Variants in KDM2B observed in about 807,000 individuals in gnomAD.
KDM2B encodes the protein lysine demethylase 2B.
A neutral mutation model predicts 150.0 loss-of-function variants in KDM2B; 26 were observed. That is an observed-to-expected ratio of 0.17 (90% CI 0.13 to 0.24). The LOEUF (loss-of-function observed/expected upper bound fraction) is 0.24, where lower values mean the gene tolerates loss of function less well. Among genes scored for constraint, KDM2B ranks in the 10% least tolerant of loss-of-function variants. The pLI is 1.00. For synonymous variants in KDM2B, 734 were observed against 729.5 expected (o/e 1.01, Z -0.10); for missense variants, 1,265 against 1,816.9 (o/e 0.70, Z 5.52).
At chr12:121,523,786 G>A (rs112579465) in intron 8 of KDM2B, among the ~76,000 whole-genome samples, 76 of 152,350 alleles carry the variant, frequency 5.0e-4, no homozygotes, top group African/African-American at 1.7e-3. Context: ...AGGCAACCTC[G>A]TTCTGTGCCT....
rs782589352 is a variant in KDM2B at position 121,445,397 on chromosome 12, C to T, written c.1981G>A (p.Val661Met). The change falls in exon 14 of 23, where the codon GTG (valine) becomes ATG (methionine). Residue 661 changes from valine (V) to methionine (M), a missense_variant. Around this residue, in one of 11 missense-constraint regions of KDM2B, gnomAD observed 30 missense variants for 32.0 expected, o/e 0.94. Coordinates refer to ENST00000377071, the MANE Select transcript of KDM2B (RefSeq NM_032590.5). ...CCCGCCTCGCCACACACAAGGCACACGGCGGTGTGGGGCAGCACTGGCTGA... is the reference window on the plus strand; with the variant it reads ...CCCGCCTCGCCACACACAAGGCACATGGCGGTGTGGGGCAGCACTGGCTGA... ...CIAPVLPHTAVCLVCGEAGKE... is the reference protein window; with the variant it reads ...CIAPVLPHTAMCLVCGEAGKE... 28 of 1,605,238 alleles carry T rather than the reference C, an allele frequency of 1.7e-5. No individual in the cohort carries two copies. The highest frequency in any genetic ancestry group is 6.7e-5 in the East Asian group (3 of 44,588).
chr12:121,487,509 G>A (rs73407640), intron 12 of KDM2B, among the ~76,000 whole-genome samples: 277 of 152,100 alleles, frequency 1.8e-3, no homozygotes, highest in African/African-American at 6.3e-3. Flanking sequence ...CTGGCCCTGC[G>A]GCTTCCATCG....
chr12:121,547,143 T>C (rs573529436), intron 6 of KDM2B, among the ~76,000 whole-genome samples: 2 of 152,084 alleles, frequency 1.3e-5, no homozygotes, highest in Non-Finnish European at 2.9e-5. Context: ...GCACAGCACT[T>C]TCTCCAGAGG....
chr12:121,514,514 C>T (rs563057354), intron 9 of KDM2B, among the ~76,000 whole-genome samples: 1 of 151,842 alleles, frequency 6.6e-6, no homozygotes, highest in South Asian at 2.1e-4. Flanking sequence ...AAAGAGGTCC[C>T]TGACACCCAC....
At chr12:121,523,131 G>A (rs574510326) in intron 8 of KDM2B, among the ~76,000 whole-genome samples, 2 of 152,366 alleles carry the variant, frequency 1.3e-5, no homozygotes, top group Non-Finnish European at 2.9e-5. Context: ...GCACAAAGGG[G>A]GAAGCCACTT....
downstream of KDM2B, among the ~76,000 whole-genome samples, chr12:121,426,444 TC>T (rs1246536927): frequency 4.0e-4 from 46 of 114,076 alleles, no homozygotes; most frequent in Middle Eastern, 4.4e-3. Context: ...TTCTACCCCC[TC>T]CCCCCCCTTT....
chr12:121,552,606 G>C (rs1202502713), intron 4 of KDM2B, among the ~76,000 whole-genome samples: 1 of 151,288 alleles, frequency 6.6e-6, no homozygotes, highest in Non-Finnish European at 1.5e-5. Flanking sequence ...CCAGGAGGTG[G>C]AGGTTGCAGT....
chr12:121,439,746 C>G, intron 22 of KDM2B, 111 bp downstream of exon 22: 1 of 789,828 alleles, frequency 1.3e-6, no homozygotes, highest in South Asian at 1.6e-5. Flanking sequence ...AAACGAGACA[C>G]CTAGCACTGT....
intron 1 of KDM2B, chr12:121,580,385 G>A: frequency 1.8e-6 from 2 of 1,110,246 alleles, no homozygotes; most frequent in Non-Finnish European, 2.2e-6. Flanking sequence ...GCGGCCCGAG[G>A]AGGTATGGGG....
chr12:121,447,043 C>T (rs1167369986), intron 13 of KDM2B, among the ~76,000 whole-genome samples: 1 of 152,140 alleles, frequency 6.6e-6, no homozygotes, highest in African/African-American at 2.4e-5. Context: ...TCAGACTCCA[C>T]ATTGCAACTA....
At chr12:121,580,002 A>T in intron 1 of KDM2B, 2 of 1,565,308 alleles carry the variant, frequency 1.3e-6, no homozygotes, top group Non-Finnish European at 1.7e-6. Flanking sequence ...AAAAAAAAAA[A>T]AAAAAAAAGC....
Position 121,467,142 on chromosome 12 carries a change from A to G in KDM2B, c.1735-13798T>C. 1 of 1,117,144 alleles carries G rather than the reference A, an allele frequency of 9.0e-7. No homozygotes were observed. Among genetic ancestry groups the G allele is most frequent in the Non-Finnish European group, 1.1e-6 (1 of 896,626 alleles). 69.2% of individuals were successfully genotyped at this position (1,117,144 alleles called of 1,614,324 possible). On this transcript the variant is annotated intron_variant, in intron 12 of 22. Transcript: ENST00000377071. The surrounding 1 kb of genome is among the most constrained non-coding windows in gnomAD (Gnocchi z 5.1). ...TGCGGCGGGTCCCTCCCTCAGCCCC[A>G]CCCCGGGCCGCCGACCTGGTCCGGC...
intron 11 of KDM2B, among the ~76,000 whole-genome samples, chr12:121,498,967 G>A (rs954992021): frequency 1.3e-5 from 2 of 151,838 alleles, no homozygotes; most frequent in East Asian, 1.9e-4. Context: ...GCACCACCAC[G>A]ACCGACTAAT....
intron 12 of KDM2B, among the ~76,000 whole-genome samples, chr12:121,476,264 C>T (rs553472860): frequency 6.6e-6 from 1 of 151,780 alleles, no homozygotes; most frequent in East Asian, 1.9e-4. Flanking sequence ...CATTACACTC[C>T]AGCCTGAAGG....
intron 12 of KDM2B, among the ~76,000 whole-genome samples, chr12:121,465,350 C>G (rs1879739317): frequency 6.6e-6 from 1 of 152,210 alleles, no homozygotes; most frequent in Admixed American, 6.5e-5. Context: ...TCTCCTGCCT[C>G]AGCCTCCTGA....
At chr12:121,479,234 G>A (rs1425376331) in intron 12 of KDM2B, among the ~76,000 whole-genome samples, 1 of 151,836 alleles carries the variant, frequency 6.6e-6, no homozygotes, top group Non-Finnish European at 1.5e-5. Flanking sequence ...CGGATCATGA[G>A]GTCAGAAGAT....
chr12:121,423,749 C>A, the KDM2B span: 4 of 619,950 alleles, frequency 6.5e-6, no homozygotes, highest in Non-Finnish European at 1.1e-5. This position sits in a 1 kb window ranked among gnomAD's most constrained non-coding sequence, Gnocchi z 4.3. Context: ...TGGTCCATGC[C>A]GTGAGCCTGT....
chr12:121,513,308 G>C lies in KDM2B; in HGVS notation c.1142C>G (p.Thr381Ser), dbSNP rs782143544. The part of the protein sequence containing the change: ...VYCVTQRSHL[T>S]QEYQRESMLI... ...CATCGACTCCCTCTGGTATTCCTGAGTGAGGTGGGAGCGCTGGGTCACACA... is the reference window on the plus strand; with the variant it reads ...CATCGACTCCCTCTGGTATTCCTGACTGAGGTGGGAGCGCTGGGTCACACA... Residue 381 changes from threonine (T) to serine (S), a missense_variant, in exon 10 of 23, where the codon ACT becomes AGT. Thr to Ser is a moderately conservative substitution (Grantham distance 58). Coordinates refer to ENST00000377071, the MANE Select transcript of KDM2B (RefSeq NM_032590.5). This position sits in a 1 kb window ranked among gnomAD's most constrained non-coding sequence, Gnocchi z 5.0. 1 of 1,613,630 alleles carries C rather than the reference G, an allele frequency of 6.2e-7. No homozygotes were observed. Among genetic ancestry groups the C allele is most frequent in the Non-Finnish European group, 8.5e-7 (1 of 1,179,892 alleles).
chr12:121,534,047 A>T (rs28477358), intron 7 of KDM2B, among the ~76,000 whole-genome samples: 19,427 of 152,076 alleles, frequency 0.13, 3,139 homozygotes, highest in African/African-American at 0.38. Context: ...CTCTTAAAAA[A>T]TAATAATTTT....
Sources: allele counts gnomAD v4.1 joint callset (sites outside exome capture counted in the v4.1 genomes callset), GRCh38; gene constraint gnomAD v4.1.1; regional missense constraint gnomAD v4.1.1; non-coding constraint Gnocchi (gnomAD v3.1); transcripts MANE v1.5; gene names NCBI Gene and HGNC (gene_info 2026-07-23, HGNC 2026-07-21).